Variants in SLK observed in about 807,000 individuals in gnomAD.
The protein encoded by SLK is STE20 like kinase.
SLK carries 67 observed loss-of-function variants against 147.7 expected under a neutral mutation model. The observed-to-expected ratio is 0.45, with a 90% CI of 0.37 to 0.56. SLK has a LOEUF of 0.56. Among genes scored for constraint, SLK ranks in the 20% least tolerant of loss-of-function variants. SLK has a pLI of 0.00. For missense variants in SLK, 1,136 were observed against 1,438.8 expected (o/e 0.79, Z 3.41); for synonymous variants, 441 against 475.0 (o/e 0.93, Z 0.93).
intron 12 of SLK, among the ~76,000 whole-genome samples, chr10:104,009,310 T>A (rs528909674): frequency 1.3e-5 from 2 of 152,266 alleles, no homozygotes; most frequent in South Asian, 4.1e-4. Flanking sequence ...TTCACTTTTG[T>A]TACACATCTC....
chr10:104,016,266 C>T (rs1315959808), intron 13 of SLK, among the ~76,000 whole-genome samples: 4 of 151,836 alleles, frequency 2.6e-5, no homozygotes, highest in African/African-American at 9.7e-5. Flanking sequence ...TTGCAGTGAG[C>T]CGAGACCGTG....
At position 104,027,423 on chromosome 10, in the gene SLK, A is replaced by T. The variant is rs1844612653; in HGVS notation, c.*1703A>T. ...GGTTGTAAATTCATACACTTATCAC[A>T]TGAATGTGTTACTGTATACAAAACT... On this transcript the variant is annotated 3_prime_UTR_variant, in exon 19 of 19. Transcript: ENST00000369755. The T allele has an allele frequency of 6.6e-6, 1 of 152,568 alleles. No individual in the cohort carries two copies. Among genetic ancestry groups the T allele is most frequent in the Non-Finnish European group, 1.5e-5 (1 of 68,020 alleles). The allele number at this position is 152,568 out of a possible 1,614,324, so 9.5% of individuals were successfully genotyped here. A position where few individuals can be genotyped will look rare whatever the true frequency, so the allele number is the denominator to read the frequency against.
intron 1 of SLK, among the ~76,000 whole-genome samples, chr10:103,973,253 A>G (rs1012319160): frequency 3.9e-5 from 6 of 152,158 alleles, no homozygotes; most frequent in African/African-American, 1.4e-4. Flanking sequence ...CCCCATATGG[A>G]TACACAATTG....
At chr10:103,983,385 C>T (rs1032958412) in intron 1 of SLK, among the ~76,000 whole-genome samples, 2 of 152,166 alleles carry the variant, frequency 1.3e-5, no homozygotes, top group Non-Finnish European at 2.9e-5. Flanking sequence ...CAAACGTTTA[C>T]TCTACTCTGT....
intron 1 of SLK, among the ~76,000 whole-genome samples, chr10:103,979,681 A>G (rs1843915786): frequency 6.6e-6 from 1 of 152,010 alleles, no homozygotes; most frequent in Non-Finnish European, 1.5e-5. Flanking sequence ...CTGTTCTCTG[A>G]AGTGATTGTT....
chr10:104,025,870 G>A lies in SLK; in HGVS notation c.*150G>A. 3.0e-6 allele frequency: 2 copies of A among 674,126 alleles called. No homozygotes were observed. Among genetic ancestry groups the A allele is most frequent in the South Asian group, 5.7e-5 (2 of 35,228 alleles). The allele number at this position is 674,126 out of a possible 1,614,324, so 41.8% of individuals were successfully genotyped here. On this transcript the variant is annotated 3_prime_UTR_variant, in exon 19 of 19. Transcript: ENST00000369755. ...TTTTTTGTTTTTTTTGTTTTGTTTTGTTTTTAAGCAAAGATGAAGGGAAAA... is the reference window on the plus strand; with the variant it reads ...TTTTTTGTTTTTTTTGTTTTGTTTTATTTTTAAGCAAAGATGAAGGGAAAA...
intron 11 of SLK, among the ~76,000 whole-genome samples, chr10:104,007,769 A>AAATAAAT (rs1385746143): frequency 1.1e-5 from 1 of 89,752 alleles, no homozygotes; most frequent in African/African-American, 6.2e-5. Flanking sequence ...CTATCTCTCC[A>AAATAAAT]AATAAATAAA....
chr10:104,008,086 A>C (rs1443382941), intron 11 of SLK, 91 bp from the exon 12 acceptor site: 1 of 914,806 alleles, frequency 1.1e-6, no homozygotes, highest in Admixed American at 2.5e-5. Flanking sequence ...AAATTTAAAT[A>C]CTAGTTATGT....
intron 18 of SLK, among the ~76,000 whole-genome samples, chr10:104,023,805 T>G (rs1256930293): frequency 6.6e-6 from 1 of 152,250 alleles, no homozygotes; most frequent in African/African-American, 2.4e-5. Flanking sequence ...TATAAACTCC[T>G]TAAAAGCATG....
intron 2 of SLK, 68 bp downstream of exon 2, chr10:103,990,907 A>T: frequency 1.0e-6 from 1 of 960,400 alleles, no homozygotes; most frequent in Non-Finnish European, 1.4e-6. Context: ...GATGTTTATG[A>T]ATTATTAAAA....
Position 104,026,014 on chromosome 10 carries a change from G to GAAAT in SLK, c.*297_*300dup, listed in dbSNP as rs1844593804. On this transcript the variant is annotated 3_prime_UTR_variant, in exon 19 of 19. Transcript: ENST00000369755. ...ACACTGCTACCTGAAAACTGTTGGA[G>GAAAT]AAATAATGTTTAAAGTTATTTAAGA... 4.0e-6 allele frequency: 1 copy of GAAAT among 249,542 alleles called. No homozygotes were observed. The highest frequency in any genetic ancestry group is 2.2e-5 in the African/African-American group (1 of 44,984). 15.5% of individuals were successfully genotyped at this position (249,542 alleles called of 1,614,324 possible).
At chr10:103,971,131 C>T (rs557533684) in intron 1 of SLK, among the ~76,000 whole-genome samples, 1 of 152,264 alleles carries the variant, frequency 6.6e-6, no homozygotes, top group African/African-American at 2.4e-5. Flanking sequence ...TTAACAGTTA[C>T]TTCCTTGCCT....
At chr10:103,981,772 C>T (rs1843946456) in intron 1 of SLK, among the ~76,000 whole-genome samples, 1 of 151,872 alleles carries the variant, frequency 6.6e-6, no homozygotes, top group Admixed American at 6.6e-5. Context: ...TGTGAGTCTT[C>T]AAGCTTTGTT....
At chr10:103,987,536 A>G (rs1352056882) in intron 1 of SLK, among the ~76,000 whole-genome samples, 1 of 151,976 alleles carries the variant, frequency 6.6e-6, no homozygotes, top group East Asian at 1.9e-4. Context: ...TCTCCTTCTG[A>G]TAAATTCTTA....
At chr10:103,981,476 G>A (rs995533700) in intron 1 of SLK, among the ~76,000 whole-genome samples, 1 of 151,896 alleles carries the variant, frequency 6.6e-6, no homozygotes, top group African/African-American at 2.4e-5. Context: ...ATAGTTTTAG[G>A]TCTTACATTT....
intron 3 of SLK, 82 bp from the exon 4 acceptor site, chr10:103,992,902 A>T: frequency 1.0e-6 from 1 of 955,142 alleles, no homozygotes; most frequent in Middle Eastern, 3.1e-4. Context: ...GACAGTGATG[A>T]TATATACAGA....
chr10:103,997,206 C>G lies in SLK; in HGVS notation c.515-1693C>G, dbSNP rs1334190862. Among the ~76,000 whole-genome samples the G allele has an allele frequency of 2.0e-5, 3 of 152,206 alleles. No homozygotes were observed. The East Asian group carries it at 5.8e-4, about 29-fold the overall frequency. ...GTCCTTTTGTGACTGGCGTATTTTA[C>G]TTACCATAACGTTCTCAAGGTTCAT... is the stretch of plus-strand genomic sequence containing the variant. On this transcript the variant is annotated intron_variant, in intron 4 of 18. Coordinates refer to ENST00000369755, the MANE Select transcript of SLK (RefSeq NM_014720.4).
intron 7 of SLK, among the ~76,000 whole-genome samples, chr10:104,001,113 C>G (rs983026206): frequency 8.5e-5 from 12 of 141,162 alleles, no homozygotes; most frequent in Non-Finnish European, 1.8e-4. Flanking sequence ...CTGACATTTG[C>G]TTTAAATTTC....
intron 3 of SLK, 21 bp from the exon 4 acceptor site, chr10:103,992,963 T>G (rs1208473937): frequency 6.3e-7 from 1 of 1,590,402 alleles, no homozygotes. Flanking sequence ...GCAGATTTTT[T>G]TTTTTACTTT....
Sources: gnomAD v4.1 joint callset for allele counts (sites outside exome capture counted in the v4.1 genomes callset) on GRCh38, gnomAD v4.1.1 for gene constraint, MANE v1.5 for transcripts, NCBI Gene and HGNC (gene_info 2026-07-23, HGNC 2026-07-21) for gene names.